The following CHSY3 variants were observed in gnomAD, a reference collection of about 807,000 sequenced individuals.
The protein encoded by CHSY3 is N-acetylgalactosaminyl-proteoglycan 3-beta-glucuronosyltransferase 3.
Under a neutral mutation model 67.2 loss-of-function variants are expected in CHSY3, and 35 were observed. The observed-to-expected ratio is 0.52, with a 90% CI of 0.40 to 0.69. CHSY3 has a LOEUF of 0.69. CHSY3 is among the 30% of genes least tolerant of loss of function. The probability of loss-of-function intolerance (pLI) is 0.00; values close to 1 mark genes in which losing one functional copy is unlikely to be tolerated. For synonymous variants in CHSY3, 474 were observed against 434.7 expected, an observed-to-expected ratio of 1.09 and a Z score of -1.12; for missense variants, 1,069 against 1,138.5, an observed-to-expected ratio of 0.94 and a Z score of 0.88.
At chr5:130,048,442 A>G (rs1351533841) in intron 2 of CHSY3, among the ~76,000 whole-genome samples, 2 of 151,958 alleles carry the variant, frequency 1.3e-5, no homozygotes, top group Admixed American at 6.6e-5. Context: ...ACCTTTGGAA[A>G]ATATTCACTC....
chr5:129,929,529 T>C (rs1761229757), intron 2 of CHSY3, among the ~76,000 whole-genome samples: 1 of 152,196 alleles, frequency 6.6e-6, no homozygotes, highest in Non-Finnish European at 1.5e-5. Context: ...AAACTCATCA[T>C]TGTAGTGGAA....
intron 2 of CHSY3, among the ~76,000 whole-genome samples, chr5:129,986,152 G>A (rs977124217): frequency 1.3e-5 from 2 of 152,062 alleles, no homozygotes; most frequent in Non-Finnish European, 2.9e-5. Flanking sequence ...GTATGCTGTT[G>A]GCTGTGGTTT....
At chr5:129,910,906 A>G (rs1008518657) in intron 2 of CHSY3, among the ~76,000 whole-genome samples, 1 of 151,848 alleles carries the variant, frequency 6.6e-6, no homozygotes, top group Non-Finnish European at 1.5e-5. Flanking sequence ...TAGTTCTTTT[A>G]AAAGCACTAT....
chr5:129,948,123 A>G (rs1761914492), intron 2 of CHSY3, among the ~76,000 whole-genome samples: 1 of 152,212 alleles, frequency 6.6e-6, no homozygotes, highest in Non-Finnish European at 1.5e-5. Context: ...AAACTGAACT[A>G]GACTAAGAAA....
rs754051764 is a variant in CHSY3, at chr5:130,114,268, G to T, written c.1087-69961G>T. 2.0e-5 allele frequency: 3 copies of T among 152,128 alleles called. No individual in the cohort carries two copies. The South Asian group carries it at 6.2e-4, about 32-fold the overall frequency. 9.4% of individuals were successfully genotyped at this position (152,128 alleles called of 1,614,324 possible). On this transcript the variant is annotated intron_variant, in intron 2 of 2. Transcript: ENST00000305031. Reference sequence around the variant, plus strand: ...AATTATGAAAAAAGTTCATGTGATGGTGGTTGCTATAGATAAGAAGGCATG... The same window carrying T: ...AATTATGAAAAAAGTTCATGTGATGTTGGTTGCTATAGATAAGAAGGCATG...
chr5:130,039,445 C>T (rs547009810), intron 2 of CHSY3, among the ~76,000 whole-genome samples: 1 of 115,058 alleles, frequency 8.7e-6, no homozygotes, highest in South Asian at 2.9e-4. Context: ...GAACTATGAT[C>T]ATGCCACTGC....
chr5:130,110,266 T>A (rs780200661), intron 2 of CHSY3, among the ~76,000 whole-genome samples: 56 of 151,880 alleles, frequency 3.7e-4, no homozygotes, highest in Admixed American at 6.6e-5. Context: ...GACAACAAAA[T>A]TTGACTAAAG....
intron 2 of CHSY3, among the ~76,000 whole-genome samples, chr5:130,090,128 C>T (rs1247919809): frequency 6.6e-6 from 1 of 152,158 alleles, no homozygotes; most frequent in Non-Finnish European, 1.5e-5. Context: ...AAGTTTCTGT[C>T]TTCCCCTGCT....
At chr5:129,997,901 G>T (rs1440418367) in intron 2 of CHSY3, among the ~76,000 whole-genome samples, 3 of 152,130 alleles carry the variant, frequency 2.0e-5, no homozygotes, top group Non-Finnish European at 4.4e-5. Context: ...TCTTAATCCA[G>T]TCTATCGTTG....
At chr5:130,013,360 G>C (rs1764122496) in intron 2 of CHSY3, among the ~76,000 whole-genome samples, 2 of 152,174 alleles carry the variant, frequency 1.3e-5, no homozygotes, top group South Asian at 4.1e-4. Flanking sequence ...TGGAGACTCT[G>C]TCTGGGGGCT....
chr5:130,122,021 G>A (rs930063478), intron 2 of CHSY3, among the ~76,000 whole-genome samples: 1 of 152,130 alleles, frequency 6.6e-6, no homozygotes, highest in Non-Finnish European at 1.5e-5. Flanking sequence ...CCTACCCGAG[G>A]CAATATGAGT....
intron 2 of CHSY3, among the ~76,000 whole-genome samples, chr5:130,064,740 A>G (rs190350190): frequency 2.0e-4 from 30 of 152,296 alleles, no homozygotes; most frequent in Non-Finnish European, 3.4e-4. Flanking sequence ...AGTGATTTGC[A>G]GGGTCTAGAA....
intron 2 of CHSY3, among the ~76,000 whole-genome samples, chr5:130,087,247 C>G (rs2149690036): frequency 6.6e-6 from 1 of 152,112 alleles, no homozygotes; most frequent in East Asian, 1.9e-4. Flanking sequence ...TGTGACAAAC[C>G]CACAGCCAAT....
At chr5:129,970,535 C>A (rs1161658503) in intron 2 of CHSY3, among the ~76,000 whole-genome samples, 1 of 151,640 alleles carries the variant, frequency 6.6e-6, no homozygotes, top group Non-Finnish European at 1.5e-5. Context: ...TACATTTGAT[C>A]AGTGGTAAGG....
At chr5:130,059,404 T>G (rs976638786) in intron 2 of CHSY3, among the ~76,000 whole-genome samples, 4 of 151,562 alleles carry the variant, frequency 2.6e-5, no homozygotes, top group African/African-American at 4.9e-5. Context: ...TCTCTCTCTC[T>G]CTCGCTCTTC....
chr5:130,053,261 C>G (rs1765421076), intron 2 of CHSY3, among the ~76,000 whole-genome samples: 1 of 151,902 alleles, frequency 6.6e-6, no homozygotes, highest in Non-Finnish European at 1.5e-5. Flanking sequence ...TTTTAAGTAA[C>G]AAACAGAAAA....
At position 129,905,670 on chromosome 5, in the gene CHSY3, C is replaced by T. The variant is rs186271949; in HGVS notation, c.802+39C>T. The T allele has an allele frequency of 1.1e-5, 17 of 1,602,242 alleles. No homozygotes were observed. The East Asian group carries it at 3.1e-4, about 29-fold the overall frequency. On this transcript the variant is annotated intron_variant, in intron 1 of 2. Transcript: ENST00000305031. ...GCCGGCTTTCCAGCCTGCCAGTCTC[C>T]CCGACTCCTTTCTCTGTAACCGGTC...
chr5:129,926,712 A>T (rs1761123673), intron 2 of CHSY3, among the ~76,000 whole-genome samples: 1 of 151,892 alleles, frequency 6.6e-6, no homozygotes, highest in Non-Finnish European at 1.5e-5. Context: ...ATTTACCATA[A>T]TCAAATAACT....
chr5:129,953,087 C>T (rs1185598845), intron 2 of CHSY3, among the ~76,000 whole-genome samples: 13 of 152,032 alleles, frequency 8.6e-5, no homozygotes, highest in Non-Finnish European at 1.5e-5. Context: ...CCCATCAACC[C>T]GTCATCTACA....
Sources: allele counts gnomAD v4.1 joint callset (sites outside exome capture counted in the v4.1 genomes callset), GRCh38; gene constraint gnomAD v4.1.1; transcripts MANE v1.5; gene names NCBI Gene and HGNC (gene_info 2026-07-23, HGNC 2026-07-21).